Variants in ABCB7 observed in about 807,000 individuals in gnomAD.
ABCB7 encodes iron-sulfur clusters transporter ABCB7, mitochondrial.
Under a neutral mutation model 54.4 loss-of-function variants are expected in ABCB7, and 7 were observed. The observed-to-expected ratio is 0.13, with a 90% CI of 0.07 to 0.24. The LOEUF (loss-of-function observed/expected upper bound fraction) is 0.24, where lower values mean the gene tolerates loss of function less well. Ranked by LOEUF, ABCB7 falls within the 10% of genes least tolerant of loss-of-function variation. The pLI, the probability that ABCB7 is intolerant of heterozygous loss-of-function variation, is 1.00. For missense variants in ABCB7, 356 were observed against 570.4 expected (o/e 0.62, Z 3.83); for synonymous variants, 218 against 207.1 (o/e 1.05, Z -0.45).
At chrX:75,122,790 A>G (rs1337555414) in intron 1 of ABCB7, among the ~76,000 whole-genome samples, 1 of 109,784 alleles carries the variant, frequency 9.1e-6, no homozygotes. Context: ...CCACCTTTTC[A>G]TACCTATTGA....
intron 1 of ABCB7, among the ~76,000 whole-genome samples, chrX:75,155,188 T>C (rs1222172003): frequency 8.8e-6 from 1 of 113,239 alleles, no homozygotes; most frequent in Non-Finnish European, 1.9e-5. Context: ...TCTCTCTTAG[T>C]ACCCTATCAT....
At chrX:75,063,028 A>AT (rs1186048718) in intron 13 of ABCB7, among the ~76,000 whole-genome samples, 1 of 111,280 alleles carries the variant, frequency 9.0e-6, no homozygotes, top group Admixed American at 9.6e-5. Flanking sequence ...AGCATATCAA[A>AT]TTTTTAAAAT....
At chrX:75,119,468 C>T (rs2081855095) in intron 1 of ABCB7, among the ~76,000 whole-genome samples, 1 of 112,191 alleles carries the variant, frequency 8.9e-6, no homozygotes. Flanking sequence ...GAGCACTTAT[C>T]TACTGTTTAA....
chrX:75,078,977 G>A (rs1452628447), intron 4 of ABCB7, among the ~76,000 whole-genome samples: 1 of 112,083 alleles, frequency 8.9e-6, no homozygotes, highest in Non-Finnish European at 1.9e-5. Context: ...GAGAAAAAGT[G>A]ATAGTTACAG....
At chrX:75,115,181 T>A (rs753459225) in intron 1 of ABCB7, among the ~76,000 whole-genome samples, 138 of 96,170 alleles carry the variant, frequency 1.4e-3, no homozygotes, top group African/African-American at 5.3e-3. Context: ...AGCAGGAGAA[T>A]CGCTTCAACC....
intron 1 of ABCB7, among the ~76,000 whole-genome samples, chrX:75,142,479 T>C (rs947576405): frequency 8.9e-6 from 1 of 111,742 alleles, no homozygotes; most frequent in African/African-American, 3.2e-5. Context: ...GCAAACACCA[T>C]AGTAATAATT....
chrX:75,092,047 T>A (rs1462424654), intron 4 of ABCB7, among the ~76,000 whole-genome samples: 1 of 110,964 alleles, frequency 9.0e-6, no homozygotes, highest in Non-Finnish European at 1.9e-5. Flanking sequence ...TCCCAGTAAG[T>A]AATTTTGTGG....
At chrX:75,115,882 C>T (rs183621094) in intron 1 of ABCB7, among the ~76,000 whole-genome samples, 11 of 110,308 alleles carry the variant, frequency 1.0e-4, no homozygotes, top group Admixed American at 2.9e-4. Flanking sequence ...ATTAAAACAG[C>T]GATCTTAAGA....
chrX:75,082,269 A>G (rs1371447546), intron 4 of ABCB7, among the ~76,000 whole-genome samples: 2 of 112,104 alleles, frequency 1.8e-5, no homozygotes, highest in African/African-American at 6.5e-5. Context: ...CACAGAGGCC[A>G]GCAGTAAGTG....
rs143028090 is a variant in ABCB7 at position 75,107,192 on chromosome X, G to A, written c.333+5694C>T. Among the ~76,000 whole-genome samples, 415 of 111,656 alleles carry A rather than the reference G, an allele frequency of 3.7e-3. 3 individuals are homozygous for A. Among genetic ancestry groups the A allele is most frequent in the African/African-American group, 0.013 (396 of 30,679 alleles). ...GAAGCATTTAAACCAGCCCTAGCCA[G>A]ATGAGAGTAATCGATCCCATAAACC... On this transcript the variant is annotated intron_variant, in intron 3 of 15. Coordinates refer to ENST00000373394, the MANE Select transcript of ABCB7 (RefSeq NM_001271696.3).
rs755751387 is a variant in ABCB7, at chrX:75,100,090, A to C, written c.334-1029T>G. On this transcript the variant is annotated intron_variant, in intron 3 of 15. Transcript: ENST00000373394. Reference sequence around the variant, plus strand: ...TTCTGGGAATTTATGCTAAAAAAAAACCCTTATAAATATGCTCTAAGTTGA... The same window carrying C: ...TTCTGGGAATTTATGCTAAAAAAAACCCCTTATAAATATGCTCTAAGTTGA... Among the ~76,000 whole-genome samples, 369 of 110,821 alleles carry C rather than the reference A, an allele frequency of 3.3e-3. 2 individuals are homozygous for C. The highest frequency in any genetic ancestry group is 0.011 in the African/African-American group (349 of 30,547).
chrX:75,113,530 C>A (rs2081780753), intron 2 of ABCB7, among the ~76,000 whole-genome samples: 1 of 111,675 alleles, frequency 9.0e-6, no homozygotes, highest in African/African-American at 3.3e-5. Context: ...TTTTGCCTTT[C>A]TTATTACACG....
At chrX:75,074,754 A>G (rs961295261) in intron 6 of ABCB7, among the ~76,000 whole-genome samples, 3 of 111,488 alleles carry the variant, frequency 2.7e-5, no homozygotes, top group African/African-American at 9.8e-5. Flanking sequence ...AAACCAAAAT[A>G]CCACATGTTC....
At chrX:75,121,499 C>T (rs1210427767) in intron 1 of ABCB7, among the ~76,000 whole-genome samples, 1 of 111,096 alleles carries the variant, frequency 9.0e-6, no homozygotes, top group Non-Finnish European at 1.9e-5. Context: ...AGAGTGTTTT[C>T]TGCAATTTAG....
chrX:75,090,560 G>A (rs1469592580), intron 4 of ABCB7, among the ~76,000 whole-genome samples: 2 of 108,808 alleles, frequency 1.8e-5, no homozygotes, highest in Non-Finnish European at 3.8e-5. Flanking sequence ...AATAATGTAA[G>A]TTTCCATCTT....
chrX:75,132,523 C>T (rs2081982808), intron 1 of ABCB7, among the ~76,000 whole-genome samples: 1 of 112,651 alleles, frequency 8.9e-6, no homozygotes, highest in African/African-American at 3.2e-5. Flanking sequence ...GAGCTCACCC[C>T]AGACTTGTGG....
Position 75,052,678 on chromosome X carries a change from C to A in ABCB7, c.*692G>T, listed in dbSNP as rs2081204209. 1 of 107,885 alleles carries A rather than the reference C, an allele frequency of 9.3e-6. No individual in the cohort carries two copies. The highest frequency in any genetic ancestry group is 4.1e-4 in the South Asian group (1 of 2,437). 8.9% of individuals were successfully genotyped at this position (107,885 alleles called of 1,213,427 possible). ...CCTGTAATTCCAGCTACTTGGGAGGCCAAGGCATGATAATTGCTTGAACTC... is the reference window on the plus strand; with the variant it reads ...CCTGTAATTCCAGCTACTTGGGAGGACAAGGCATGATAATTGCTTGAACTC... On this transcript the variant is annotated 3_prime_UTR_variant, in exon 16 of 16. Coordinates refer to ENST00000373394, the MANE Select transcript of ABCB7 (RefSeq NM_001271696.3).
At chrX:75,122,678 C>T (rs758414175) in intron 1 of ABCB7, among the ~76,000 whole-genome samples, 1 of 112,421 alleles carries the variant, frequency 8.9e-6, no homozygotes, top group South Asian at 3.7e-4. Context: ...CTCACCAACA[C>T]TTGTTATCTC....
chrX:75,137,135 C>G (rs1240432105), intron 1 of ABCB7, among the ~76,000 whole-genome samples: 4 of 112,222 alleles, frequency 3.6e-5, no homozygotes, highest in Non-Finnish European at 7.5e-5. Flanking sequence ...AACTATGTAT[C>G]CGACAAAGGT....
Sources: gnomAD v4.1 joint callset for allele counts (sites outside exome capture counted in the v4.1 genomes callset) on GRCh38, gnomAD v4.1.1 for gene constraint, MANE v1.5 for transcripts, NCBI Gene and HGNC (gene_info 2026-07-23, HGNC 2026-07-21) for gene names.